Variants in BRINP2 observed in about 807,000 individuals in gnomAD.
BRINP2 encodes the protein BMP/retinoic acid inducible neural specific 2, also known as BMP/retinoic acid-inducible neural-specific protein 2.
A neutral mutation model predicts 69.2 loss-of-function variants in BRINP2; 21 were observed. The ratio of observed to expected loss-of-function variants is 0.30; its 90% CI spans 0.22 to 0.44. BRINP2 has a LOEUF of 0.44. Ranked by LOEUF, BRINP2 falls within the 20% of genes least tolerant of loss-of-function variation. The pLI, the probability that BRINP2 is intolerant of heterozygous loss-of-function variation, is 1.00. For synonymous variants in BRINP2, 380 were observed against 394.1 expected (o/e 0.96, Z 0.42); for missense variants, 877 against 986.0 (o/e 0.89, Z 1.48).
intron 1 of BRINP2, among the ~76,000 whole-genome samples, chr1:177,203,342 T>TG (rs1172969720): frequency 6.6e-6 from 1 of 150,936 alleles, no homozygotes; most frequent in Non-Finnish European, 1.5e-5. Context: ...GTGGGGTTAG[T>TG]GGGGAGGGAT....
chr1:177,257,416 G>A, intron 4 of BRINP2, 32 bp downstream of exon 4: 11 of 1,564,192 alleles, frequency 7.0e-6, no homozygotes, highest in Non-Finnish European at 8.7e-6. Flanking sequence ...GGAAGGGGAT[G>A]GGGGAAGCAC....
At chr1:177,199,354 C>T (rs1221977114) in intron 1 of BRINP2, among the ~76,000 whole-genome samples, 2 of 152,118 alleles carry the variant, frequency 1.3e-5, no homozygotes, top group Non-Finnish European at 2.9e-5. Context: ...CCACATGAGT[C>T]CAGCAGAGAG....
At chr1:177,214,995 C>CAA (rs530047267) in intron 1 of BRINP2, among the ~76,000 whole-genome samples, 1 of 151,848 alleles carries the variant, frequency 6.6e-6, no homozygotes, top group East Asian at 1.9e-4. Flanking sequence ...TGCAATAGAT[C>CAA]AAAAAAAATC....
At position 177,229,921 on chromosome 1, in the gene BRINP2, G is replaced by T. The variant is rs568417156; in HGVS notation, c.45G>T (p.Ala15=). 6.2e-7 allele frequency: 1 copy of T among 1,608,766 alleles called. No individual in the cohort carries two copies. Among genetic ancestry groups the T allele is most frequent in the Admixed American group, 1.7e-5 (1 of 59,560 alleles). Residue 15 remains alanine (A), a synonymous_variant, in exon 2 of 8, where the codon GCG becomes GCT. Coordinates refer to ENST00000361539, the MANE Select transcript of BRINP2 (RefSeq NM_021165.4). ...CTCGGTTTAGAGGGCTTCGGCCGGC[G>T]GTGGCCCCATGGACAGCCCTGCTGG... ...CGTRFRGLRP[A]VAPWTALLAL... is the part of the protein sequence containing the mutation.
intron 2 of BRINP2, among the ~76,000 whole-genome samples, chr1:177,240,445 A>AT (rs1238002289): frequency 6.6e-6 from 1 of 152,196 alleles, no homozygotes; most frequent in Non-Finnish European, 1.5e-5. Flanking sequence ...TAAATGTACA[A>AT]TTATTATATG....
intron 2 of BRINP2, among the ~76,000 whole-genome samples, chr1:177,240,908 G>A (rs1293328337): frequency 6.6e-6 from 1 of 152,114 alleles, no homozygotes; most frequent in Non-Finnish European, 1.5e-5. Flanking sequence ...TCTGCAGACA[G>A]TCAAGAAGGT....
Position 177,279,621 on chromosome 1 carries a change from C to T in BRINP2, c.1236-791C>T, listed in dbSNP as rs142872057. 1.7e-4 allele frequency among the ~76,000 whole-genome samples: 26 copies of T among 152,246 alleles called. No homozygotes were observed. The East Asian group carries it at 2.5e-3, about 15-fold the overall frequency. On this transcript the variant is annotated intron_variant, in intron 7 of 7. Coordinates refer to ENST00000361539, the MANE Select transcript of BRINP2 (RefSeq NM_021165.4). The stretch of plus-strand genomic sequence containing the variant: ...AGGCACAGGTAAGAAGAGAAGCATA[C>T]GAAGAAGTGGTTTTGAGAGGAGTTC...
In BRINP2 at chr1:177,173,040, CG is replaced by C. The variant is rs561781963; in HGVS notation, c.-77+1314del. On this transcript the variant is annotated intron_variant, in intron 1 of 7. Transcript: ENST00000361539. Reference sequence around the variant, plus strand: ...AGCAACTAAAGTATACCAAATCCCCCGGGGGGCAGTCTGATGACATCAGGCA... The same window carrying C: ...AGCAACTAAAGTATACCAAATCCCCCGGGGGCAGTCTGATGACATCAGGCA... Among the ~76,000 whole-genome samples the C allele has an allele frequency of 3.1e-3, 471 of 152,222 alleles. 2 individuals carry two copies. Among genetic ancestry groups the C allele is most frequent in the Non-Finnish European group, 4.8e-3 (329 of 68,012 alleles).
intron 4 of BRINP2, among the ~76,000 whole-genome samples, chr1:177,264,115 T>C (rs1239586891): frequency 6.6e-6 from 1 of 152,110 alleles, no homozygotes; most frequent in Non-Finnish European, 1.5e-5. Flanking sequence ...GTGTCAAAGT[T>C]GGAGAAAAAT....
At chr1:177,174,104 T>A (rs755578807) in intron 1 of BRINP2, among the ~76,000 whole-genome samples, 1 of 152,216 alleles carries the variant, frequency 6.6e-6, no homozygotes, top group Non-Finnish European at 1.5e-5. Context: ...GAAGTAAAGC[T>A]AAAATGATTT....
In BRINP2 at chr1:177,280,790, G is replaced by A; in HGVS notation, c.1614G>A (p.Leu538=). 1 of 1,614,090 alleles carries A rather than the reference G, an allele frequency of 6.2e-7. No individual in the cohort carries two copies. The highest frequency in any genetic ancestry group is 8.5e-7 in the Non-Finnish European group (1 of 1,179,992). The stretch of plus-strand genomic sequence containing the variant: ...TCTTCATCAGCAATGACATGCGGCT[G>A]GGCAGCTGGTTTGACCCTTCCTGGA... ...HSIFISNDMR[L]GSWFDPSWRK... Residue 538 remains leucine, a synonymous_variant, in exon 8 of 8, where the codon CTG becomes CTA. Coordinates refer to ENST00000361539, the MANE Select transcript of BRINP2 (RefSeq NM_021165.4).
chr1:177,229,609 T>C (rs776603482), intron 1 of BRINP2, among the ~76,000 whole-genome samples, 192 bp from the exon 2 acceptor site: 1 of 152,196 alleles, frequency 6.6e-6, no homozygotes. Context: ...ATGGCAATAG[T>C]GTTTCCTCAC....
chr1:177,280,587 C>T lies in BRINP2; in HGVS notation c.1411C>T (p.Pro471Ser), dbSNP rs781642241. Residue 471 changes from proline (P) to serine (S), a missense_variant, in exon 8 of 8, where the codon CCA becomes TCA. Pro to Ser is a moderately conservative substitution (Grantham distance 74). Transcript: ENST00000361539. ...GEGPACAHCA[P>S]DNSTRCGSCN... ...AGGGCCCGCGTGTGCCCACTGTGCT[C>T]CAGACAATAGCACACGCTGTGGGAG... The T allele has an allele frequency of 1.2e-6, 2 of 1,614,004 alleles. No homozygotes were observed. The highest frequency in any genetic ancestry group is 2.2e-5 in the East Asian group (1 of 44,876).
At chr1:177,227,239 G>A (rs1452653280) in intron 1 of BRINP2, among the ~76,000 whole-genome samples, 6 of 152,150 alleles carry the variant, frequency 3.9e-5, no homozygotes, top group South Asian at 4.1e-4. Context: ...CTTCCCACCC[G>A]CATCCACGCA....
intron 1 of BRINP2, among the ~76,000 whole-genome samples, chr1:177,181,385 C>T (rs181521651): frequency 4.6e-4 from 70 of 152,340 alleles, no homozygotes; most frequent in African/African-American, 1.7e-3. Context: ...GAGGGCAGAA[C>T]ATCAGGCCCA....
chr1:177,253,124 G>T (rs2102343824), intron 2 of BRINP2, among the ~76,000 whole-genome samples: 1 of 152,102 alleles, frequency 6.6e-6, no homozygotes, highest in African/African-American at 2.4e-5. Context: ...GAATTTTCAT[G>T]CTGTTTTCAT....
intron 1 of BRINP2, among the ~76,000 whole-genome samples, chr1:177,193,639 C>T (rs1265052597): frequency 6.6e-6 from 1 of 152,156 alleles, no homozygotes; most frequent in African/African-American, 2.4e-5. Context: ...AAAGAATGCC[C>T]TTTCTTGAAT....
chr1:177,205,077 A>G (rs1649032842), intron 1 of BRINP2, among the ~76,000 whole-genome samples: 1 of 152,188 alleles, frequency 6.6e-6, no homozygotes, highest in Non-Finnish European at 1.5e-5. Context: ...TATATAATAT[A>G]AAATGTGTTT....
chr1:177,229,868 G>A lies in BRINP2; in HGVS notation c.-9G>A, dbSNP rs372391592. The A allele has an allele frequency of 1.4e-5, 22 of 1,571,494 alleles. No individual in the cohort carries two copies. Among genetic ancestry groups the A allele is most frequent in the African/African-American group, 9.4e-5 (7 of 74,086 alleles). On this transcript the variant is annotated 5_prime_UTR_variant, in exon 2 of 8. Coordinates refer to ENST00000361539, the MANE Select transcript of BRINP2 (RefSeq NM_021165.4). The stretch of plus-strand genomic sequence containing the variant: ...GAGAGAATGAAGAAACCAATCGCCC[G>A]GGAGAAGCATGAGGTGGCAGTGTGG...
Sources: gnomAD v4.1 joint callset for allele counts (sites outside exome capture counted in the v4.1 genomes callset) on GRCh38, gnomAD v4.1.1 for gene constraint, MANE v1.5 for transcripts, NCBI Gene and HGNC (gene_info 2026-07-23, HGNC 2026-07-21) for gene names.